TGIF1: variants seen among roughly 807,000 people sequenced by gnomAD.
TGIF1 encodes homeobox protein TGIF1.
Under a neutral mutation model 19.3 loss-of-function variants are expected in TGIF1, and 4 were observed. The observed-to-expected ratio is 0.21, with a 90% CI of 0.10 to 0.47. The LOEUF is 0.47. Ranked by LOEUF, TGIF1 falls within the 20% of genes least tolerant of loss-of-function variation. The pLI, the probability that TGIF1 is intolerant of heterozygous loss-of-function variation, is 0.98. For missense variants in TGIF1, 275 were observed against 341.4 expected, an observed-to-expected ratio of 0.81 and a Z score of 1.53; for synonymous variants, 122 against 129.3, an observed-to-expected ratio of 0.94 and a Z score of 0.38.
intron 2 of TGIF1, among the ~76,000 whole-genome samples, chr18:3,439,350 A>ATT (rs763204715): frequency 2.8e-5 from 4 of 144,432 alleles, no homozygotes; most frequent in Non-Finnish European, 3.1e-5. Context: ...CACTATTTTA[A>ATT]TTTTTTTTTT....
At chr18:3,447,728 A>C (rs753920557), upstream of TGIF1, 1 of 1,614,160 alleles carries the variant, frequency 6.2e-7, no homozygotes, top group Non-Finnish European at 8.5e-7. Flanking sequence ...CAGCTTTAAC[A>C]ACCGTTTGGA....
At chr18:3,439,864 T>C (rs1421383482) in intron 2 of TGIF1, among the ~76,000 whole-genome samples, 1 of 151,070 alleles carries the variant, frequency 6.6e-6, no homozygotes, top group African/African-American at 2.4e-5. Context: ...CTAAAAAAAA[T>C]ACAAAAATCA....
At chr18:3,419,565 A>T (rs941081985) in intron 2 of TGIF1, among the ~76,000 whole-genome samples, 1 of 152,146 alleles carries the variant, frequency 6.6e-6, no homozygotes, top group East Asian at 1.9e-4. Context: ...TTTTATGTTG[A>T]TCTTCTTTTT....
rs537598728 is a variant in TGIF1 at position 3,451,540 on chromosome 18, GGA to G, written c.16+1037_16+1038del. ...AAGTTAATCACTCGGGAAGCGGACGGGAGGGGCGGCGCTACTGCGCATGCCCG... is the reference window on the plus strand; with the variant it reads ...AAGTTAATCACTCGGGAAGCGGACGGGGGGCGGCGCTACTGCGCATGCCCG... On this transcript the variant is annotated intron_variant, in intron 1 of 2. Transcript: ENST00000343820. This position sits in a 1 kb window ranked among gnomAD's most constrained non-coding sequence, Gnocchi z 5.4. 126 of 1,007,840 alleles carry G rather than the reference GGA, an allele frequency of 1.3e-4. No individual in the cohort carries two copies. The highest frequency in any genetic ancestry group is 1.4e-4 in the Non-Finnish European group (118 of 845,848). 62.4% of individuals were successfully genotyped at this position (1,007,840 alleles called of 1,614,324 possible).
intron 2 of TGIF1, among the ~76,000 whole-genome samples, chr18:3,427,600 TTC>T (rs958889558): frequency 3.4e-5 from 5 of 147,578 alleles, no homozygotes; most frequent in Admixed American, 6.8e-5. Flanking sequence ...CCAGAATATA[TTC>T]TTTTTTTTTT....
At chr18:3,428,265 T>C (rs1598865189) in intron 2 of TGIF1, among the ~76,000 whole-genome samples, 1 of 152,152 alleles carries the variant, frequency 6.6e-6, no homozygotes, top group East Asian at 1.9e-4. Flanking sequence ...TTCACATCTT[T>C]TTACTATTCT....
At chr18:3,448,609 C>T (rs1033766354), upstream of TGIF1, 13 of 985,156 alleles carry the variant, frequency 1.3e-5, no homozygotes, top group African/African-American at 2.3e-4. Flanking sequence ...TTGCTGCCTT[C>T]TTAGAGAGAC....
chr18:3,452,687 G>T lies in TGIF1; in HGVS notation c.16+2182G>T, dbSNP rs113678097. On this transcript the variant is annotated intron_variant, in intron 1 of 2. Coordinates refer to ENST00000343820, the MANE Select transcript of TGIF1 (RefSeq NM_003244.4). ...CCCCTCCCTCTCCCCGTGCTCCTCC[G>T]CCGTCCTCCTCTAAAACTACCTGGG... Among the ~76,000 whole-genome samples, 251 of 152,130 alleles carry T rather than the reference G, an allele frequency of 1.6e-3. 2 individuals carry two copies. Among genetic ancestry groups the T allele is most frequent in the African/African-American group, 5.6e-3 (233 of 41,518 alleles).
chr18:3,434,307 T>C (rs1293074221), intron 2 of TGIF1, among the ~76,000 whole-genome samples: 1 of 152,066 alleles, frequency 6.6e-6, no homozygotes, highest in Admixed American at 6.6e-5. Flanking sequence ...GAGGCTGAGA[T>C]GGGTGGATCA....
chr18:3,419,337 C>T (rs1339369193), intron 2 of TGIF1, among the ~76,000 whole-genome samples: 1 of 152,086 alleles, frequency 6.6e-6, no homozygotes, highest in African/African-American at 2.4e-5. Context: ...AGATTATGAC[C>T]CCTGCTTTAG....
At chr18:3,452,360 C>G (rs754199600) in intron 1 of TGIF1, 2 of 1,613,172 alleles carry the variant, frequency 1.2e-6, no homozygotes, top group African/African-American at 2.7e-5. Flanking sequence ...CTCCTCGGCG[C>G]CGACTCCTGG....
intron 2 of TGIF1, among the ~76,000 whole-genome samples, chr18:3,435,215 T>C (rs1212429375): frequency 6.6e-6 from 1 of 151,924 alleles, no homozygotes; most frequent in Non-Finnish European, 1.5e-5. Context: ...TTTTTTGAGA[T>C]GGAGTCTTGC....
In TGIF1 at chr18:3,450,478, G is replaced by A. The variant is rs369034626; in HGVS notation, c.-12G>A. 6.4e-7 allele frequency: 1 copy of A among 1,559,514 alleles called. No individual in the cohort carries two copies. The highest frequency in any genetic ancestry group is 8.7e-7 in the Non-Finnish European group (1 of 1,151,910). On this transcript the variant is annotated 5_prime_UTR_variant, in exon 1 of 3. Transcript: ENST00000343820. ...CCCCCGCCTTGCCTCGCGCTGGGAGGGGAGATCCAGAATGAAAGGCAAGAA... is the reference window on the plus strand; with the variant it reads ...CCCCCGCCTTGCCTCGCGCTGGGAGAGGAGATCCAGAATGAAAGGCAAGAA...
At chr18:3,442,786 A>G (rs532157563) in intron 2 of TGIF1, among the ~76,000 whole-genome samples, 8 of 152,316 alleles carry the variant, frequency 5.3e-5, no homozygotes, top group Middle Eastern at 3.4e-3. Flanking sequence ...AGAAGAAATA[A>G]AAATGACTAA....
upstream of TGIF1, chr18:3,449,609 C>T (rs918128846): frequency 4.2e-6 from 4 of 961,792 alleles, no homozygotes; most frequent in Non-Finnish European, 4.8e-6. Flanking sequence ...GAGAAGGGTG[C>T]GCCGCGCCGC....
At position 3,457,513 on chromosome 18, in the gene TGIF1, A is replaced by C; in HGVS notation, c.392A>C (p.Asn131Thr). Residue 131 changes from asparagine to threonine, a missense_variant, in exon 3 of 3, where the codon AAC becomes ACC. By Grantham distance (65) the Asn-to-Thr change is moderately conservative. Coordinates refer to ENST00000343820, the MANE Select transcript of TGIF1 (RefSeq NM_003244.4). This position sits in a 1 kb window ranked among gnomAD's most constrained non-coding sequence, Gnocchi z 4.9. Reference sequence around the variant, plus strand: ...GTGGAGTCCGTGATGGGCATCAAAAACTTCATGCCAGCTCTAGAGGAGACC... The same window carrying C: ...GTGGAGTCCGTGATGGGCATCAAAACCTTCATGCCAGCTCTAGAGGAGACC... ...SSVESVMGIKNFMPALEETPF... is the reference protein window; with the variant it reads ...SSVESVMGIKTFMPALEETPF... The C allele has an allele frequency of 6.2e-7, 1 of 1,614,080 alleles. No individual in the cohort carries two copies. Among genetic ancestry groups the C allele is most frequent in the East Asian group, 2.2e-5 (1 of 44,876 alleles).
At chr18:3,418,397 G>A (rs1330573627) in intron 2 of TGIF1, 1 of 152,150 alleles carries the variant, frequency 6.6e-6, no homozygotes, top group Non-Finnish European at 1.5e-5. Context: ...GTTCCAGGAT[G>A]CTACCTCAGA....
rs140043671 is a variant in TGIF1 at position 3,416,792 on chromosome 18, C to T, written c.-117-1351C>T. Among the ~76,000 whole-genome samples the T allele has an allele frequency of 1.3e-3, 199 of 151,050 alleles. 1 individual carries two copies. The highest frequency in any genetic ancestry group is 4.6e-3 in the African/African-American group (190 of 41,146). Reference sequence around the variant, plus strand: ...ACTAAAAATACAAAAATTAGCCGGGCGTGTTGGCGCACCCCTGTAATCCAA... The same window carrying T: ...ACTAAAAATACAAAAATTAGCCGGGTGTGTTGGCGCACCCCTGTAATCCAA... On this transcript the variant is annotated intron_variant, in intron 1 of 3. Coordinates refer to the TGIF1 transcript ENST00000401449.
Position 3,457,350 on chromosome 18 carries a change from C to A in TGIF1, c.244-15C>A. On this transcript the variant is annotated splice_polypyrimidine_tract_variant and intron_variant, in intron 2 of 2. Coordinates refer to ENST00000343820, the MANE Select transcript of TGIF1 (RefSeq NM_003244.4). The surrounding 1 kb of genome is among the most constrained non-coding windows in gnomAD (Gnocchi z 4.9). The stretch of plus-strand genomic sequence containing the variant: ...TGAATGAGGAAAATGTTAAAGCGTA[C>A]CGATATGATTTCAGGTCTGTAACTG... 1.2e-6 allele frequency: 2 copies of A among 1,613,902 alleles called. No homozygotes were observed. The highest frequency in any genetic ancestry group is 1.7e-6 in the Non-Finnish European group (2 of 1,179,822).
Sources: gnomAD v4.1 joint callset for allele counts (sites outside exome capture counted in the v4.1 genomes callset) on GRCh38, gnomAD v4.1.1 for gene constraint, Gnocchi (gnomAD v3.1) non-coding constraint, MANE v1.5 for transcripts, NCBI Gene and HGNC (gene_info 2026-07-23, HGNC 2026-07-21) for gene names.